Variants in UBXN4 observed in about 807,000 individuals in gnomAD.
UBXN4 encodes UBX domain-containing protein 4.
In UBXN4, 35 loss-of-function variants were observed where a neutral mutation model predicts 66.2. That is an observed-to-expected ratio of 0.53 (90% confidence interval 0.40 to 0.70). The LOEUF is 0.70. Ranked by LOEUF, UBXN4 falls within the 30% of genes least tolerant of loss-of-function variation. The pLI is 0.00. For missense variants in UBXN4, 533 were observed against 599.8 expected (o/e 0.89, Z 1.16); for synonymous variants, 203 against 204.5 (o/e 0.99, Z 0.06).
chr2:135,755,774 T>C (rs1344341306), intron 5 of UBXN4, 83 bp downstream of exon 5: 38 of 852,146 alleles, frequency 4.5e-5, no homozygotes, highest in Non-Finnish European at 5.2e-5. Context: ...TTTAAAAATA[T>C]ATTGTATGTA....
chr2:135,782,713 TG>T, intron 12 of UBXN4, 35 bp from the exon 13 acceptor site: 1 of 1,600,244 alleles, frequency 6.2e-7, no homozygotes, highest in Non-Finnish European at 8.5e-7. Context: ...TTTTATTTTA[TG>T]ACATCTTCCC....
chr2:135,778,040 G>A (rs1396920616), intron 10 of UBXN4, among the ~76,000 whole-genome samples: 3 of 151,922 alleles, frequency 2.0e-5, no homozygotes, highest in Non-Finnish European at 4.4e-5. Flanking sequence ...AGCCAGGCGT[G>A]GTGGCGGGCG....
chr2:135,749,148 A>T (rs923938497), intron 2 of UBXN4, among the ~76,000 whole-genome samples: 7 of 152,128 alleles, frequency 4.6e-5, no homozygotes, highest in African/African-American at 1.4e-4. Context: ...TGCTGAAAAA[A>T]CTTTAAGCTT....
At chr2:135,743,863 G>A (rs199822517) in intron 1 of UBXN4, among the ~76,000 whole-genome samples, 1 of 151,320 alleles carries the variant, frequency 6.6e-6, no homozygotes, top group Non-Finnish European at 1.5e-5. Context: ...GGGGTTTTGT[G>A]TATATATATA....
intron 10 of UBXN4, among the ~76,000 whole-genome samples, chr2:135,776,594 T>C (rs2077416309): frequency 6.6e-6 from 1 of 152,116 alleles, no homozygotes; most frequent in African/African-American, 2.4e-5. Context: ...TGGGAACTTT[T>C]CTTTTTTAAA....
In UBXN4 at chr2:135,784,050, T is replaced by C. The variant is rs1265759615; in HGVS notation, c.*1163T>C. On this transcript the variant is annotated 3_prime_UTR_variant, in exon 13 of 13. Coordinates refer to ENST00000272638, the MANE Select transcript of UBXN4 (RefSeq NM_014607.4). ...TTTACCTGTGAAATAACAGTGACTT[T>C]TTAAAATGGTGACAGTGTTGGCAAG... is the stretch of plus-strand genomic sequence containing the variant. The C allele has an allele frequency of 6.6e-6, 1 of 152,052 alleles. No individual in the cohort carries two copies. The highest frequency in any genetic ancestry group is 1.5e-5 in the Non-Finnish European group (1 of 68,024). 9.4% of individuals were successfully genotyped at this position (152,052 alleles called of 1,614,324 possible).
intron 3 of UBXN4, chr2:135,753,798 T>C: frequency 2.2e-6 from 1 of 462,976 alleles, no homozygotes; most frequent in East Asian, 3.7e-5. Flanking sequence ...AGATAATATA[T>C]TGCAGCTAAA....
chr2:135,751,582 G>A (rs898509082), intron 2 of UBXN4, among the ~76,000 whole-genome samples: 1 of 149,632 alleles, frequency 6.7e-6, no homozygotes, highest in Non-Finnish European at 1.5e-5. Flanking sequence ...ATAGAATCTA[G>A]TGTGCCTTTA....
At chr2:135,768,442 C>T (rs2077360784) in intron 6 of UBXN4, among the ~76,000 whole-genome samples, 1 of 151,974 alleles carries the variant, frequency 6.6e-6, no homozygotes, top group South Asian at 2.1e-4. Context: ...CGTGATCTGC[C>T]CACCTCGGCC....
chr2:135,784,080 C>T lies in UBXN4; in HGVS notation c.*1193C>T, dbSNP rs547773362. On this transcript the variant is annotated 3_prime_UTR_variant, in exon 13 of 13. Coordinates refer to ENST00000272638, the MANE Select transcript of UBXN4 (RefSeq NM_014607.4). ...AATGGTGACAGTGTTGGCAAGGAAA[C>T]AGCAACACAGGCTGCGCTGTTGGTA... The T allele has an allele frequency of 1.3e-5, 2 of 152,146 alleles. No individual in the cohort carries two copies. Among genetic ancestry groups the T allele is most frequent in the South Asian group, 2.1e-4 (1 of 4,686 alleles). 9.4% of individuals were successfully genotyped at this position (152,146 alleles called of 1,614,324 possible).
chr2:135,768,814 C>T (rs1017030804), intron 6 of UBXN4, among the ~76,000 whole-genome samples: 1 of 151,996 alleles, frequency 6.6e-6, no homozygotes, highest in Non-Finnish European at 1.5e-5. Flanking sequence ...CCGCCTGCCT[C>T]GGCCTCCCAA....
At chr2:135,782,116 AG>A (rs533010265) in intron 12 of UBXN4, among the ~76,000 whole-genome samples, 9 of 152,316 alleles carry the variant, frequency 5.9e-5, no homozygotes, top group South Asian at 2.1e-4. Flanking sequence ...AATAAGAGAA[AG>A]GTCTTAGATT....
chr2:135,759,697 A>G (rs1026411279), intron 5 of UBXN4, among the ~76,000 whole-genome samples: 3 of 151,930 alleles, frequency 2.0e-5, no homozygotes, highest in African/African-American at 7.3e-5. Context: ...GGAACTTCTC[A>G]ATACATTTTT....
At chr2:135,773,424 T>C (rs188436248) in intron 9 of UBXN4, among the ~76,000 whole-genome samples, 19 of 152,326 alleles carry the variant, frequency 1.2e-4, no homozygotes, top group Non-Finnish European at 2.2e-4. Flanking sequence ...ATTAACCTTT[T>C]CTCTCTCATG....
rs1398733580 is a variant in UBXN4 at position 135,766,487 on chromosome 2, G to A, written c.603-3282G>A. On this transcript the variant is annotated intron_variant, in intron 6 of 12. Coordinates refer to ENST00000272638, the MANE Select transcript of UBXN4 (RefSeq NM_014607.4). ...TTGATTCAAGATCCAGTCAAGGATT[G>A]TTCATTGCATTTAGTTTAGGCTCTG... is the stretch of plus-strand genomic sequence containing the variant. 2.6e-5 allele frequency among the ~76,000 whole-genome samples: 4 copies of A among 152,228 alleles called. No individual in the cohort carries two copies. The East Asian group carries it at 7.7e-4, about 29-fold the overall frequency.
intron 10 of UBXN4, among the ~76,000 whole-genome samples, chr2:135,776,593 T>C (rs529093905): frequency 6.6e-6 from 1 of 152,098 alleles, no homozygotes; most frequent in African/African-American, 2.4e-5. Context: ...CTGGGAACTT[T>C]TCTTTTTTAA....
Position 135,741,970 on chromosome 2 carries a change from C to G in UBXN4, c.41C>G (p.Thr14Arg). The G allele has an allele frequency of 6.2e-7, 1 of 1,613,458 alleles. No individual in the cohort carries two copies. The highest frequency in any genetic ancestry group is 8.5e-7 in the Non-Finnish European group (1 of 1,179,714). Reference sequence around the variant, plus strand: ...GGCGCCATTCCGGCCGCCATCGCGACGGCCAAAAGGAGCGGCGCGGTCTTC... The same window carrying G: ...GGCGCCATTCCGGCCGCCATCGCGAGGGCCAAAAGGAGCGGCGCGGTCTTC... ...FQGAIPAAIA[T>R]AKRSGAVFVV... The change falls in exon 1 of 13, where the codon ACG (threonine) becomes AGG (arginine). Residue 14 changes from threonine to arginine, a missense_variant. Physicochemically the swap from Thr to Arg is moderately conservative, Grantham distance 71. Coordinates refer to ENST00000272638, the MANE Select transcript of UBXN4 (RefSeq NM_014607.4).
At chr2:135,749,151 T>C (rs192309332) in intron 2 of UBXN4, among the ~76,000 whole-genome samples, 96 of 152,298 alleles carry the variant, frequency 6.3e-4, no homozygotes, top group African/African-American at 2.2e-3. Flanking sequence ...TGAAAAAACT[T>C]TAAGCTTTCC....
intron 9 of UBXN4, among the ~76,000 whole-genome samples, chr2:135,775,245 C>T (rs1160425443): frequency 6.6e-6 from 1 of 152,140 alleles, no homozygotes. Flanking sequence ...GCCAGTAACG[C>T]AAAATGTTAA....
Sources: gnomAD v4.1 joint callset for allele counts (sites outside exome capture counted in the v4.1 genomes callset) on GRCh38, gnomAD v4.1.1 for gene constraint, MANE v1.5 for transcripts, NCBI Gene and HGNC (gene_info 2026-07-23, HGNC 2026-07-21) for gene names.